Variants in IRX1 observed in about 807,000 individuals in gnomAD.
IRX1 encodes the protein iroquois homeobox 1.
Under a neutral mutation model 34.1 loss-of-function variants are expected in IRX1, and 22 were observed. The ratio of observed to expected loss-of-function variants is 0.64; its 90% CI spans 0.46 to 0.92. IRX1 has a LOEUF of 0.92. Among genes scored for constraint, IRX1 ranks in the 40% least tolerant of loss-of-function variants. IRX1 has a pLI of 0.00. For missense variants in IRX1, 758 were observed against 680.0 expected (o/e 1.11, Z -1.28); for synonymous variants, 363 against 319.0 (o/e 1.14, Z -1.47).
chr5:3,598,901 G>A (rs1333886500), intron 1 of IRX1, among the ~76,000 whole-genome samples: 1 of 152,154 alleles, frequency 6.6e-6, no homozygotes, highest in Non-Finnish European at 1.5e-5. Flanking sequence ...CAGGGGCCGC[G>A]GCCTCTGTTG....
Position 3,601,193 on chromosome 5 carries a change from G to T in IRX1, c.*153G>T, listed in dbSNP as rs1374770749. 1.3e-6 allele frequency: 1 copy of T among 767,526 alleles called. No homozygotes were observed. Among genetic ancestry groups the T allele is most frequent in the African/African-American group, 1.7e-5 (1 of 58,074 alleles). The allele number at this position is 767,526 out of a possible 1,614,324, so 47.5% of individuals were successfully genotyped here. ...TCGCATCCGTCGCTTTCTGCAGAAA[G>T]GGGCTTCTTCGGTCCCGAGCTCGCG... On this transcript the variant is annotated 3_prime_UTR_variant, in exon 4 of 4. Transcript: ENST00000302006.
Position 3,600,123 on chromosome 5 carries a change from T to G in IRX1, c.1175T>G (p.Leu392Arg). The G allele has an allele frequency of 6.2e-7, 1 of 1,613,312 alleles. No individual in the cohort carries two copies. The highest frequency in any genetic ancestry group is 1.7e-5 in the Admixed American group (1 of 60,026). ...TCCCTGCTCAACATGCGCTCCTTCC[T>G]GGGCGTTGGCGCTCCCCACGCCGCG... is the stretch of plus-strand genomic sequence containing the variant. ...QGSLLNMRSFLGVGAPHAAPH... is the reference protein window; with the variant it reads ...QGSLLNMRSFRGVGAPHAAPH... The change falls in exon 2 of 4, where the codon CTG becomes CGG. Residue 392 changes from leucine to arginine, a missense_variant. This residue lies in a region of IRX1 where 529 missense variants were observed against 418.8 expected (regional missense o/e 1.26). Transcript: ENST00000302006.
rs919910052 is a variant in IRX1, at chr5:3,596,252, C to A, written c.147C>A (p.Gly49=). Residue 49 remains glycine (G), a synonymous_variant, in exon 1 of 4, where the codon GGC becomes GGA. Coordinates refer to ENST00000302006, the MANE Select transcript of IRX1 (RefSeq NM_024337.4). ...SSGRPGAAEL[G]GGAGAAAVTS... ...GCCGACCGGGGGCCGCGGAGCTGGG[C>A]GGCGGGGCAGGCGCGGCTGCAGTCA... 2.5e-6 allele frequency: 3 copies of A among 1,201,578 alleles called. No homozygotes were observed. The highest frequency in any genetic ancestry group is 3.1e-6 in the Non-Finnish European group (3 of 968,442). The allele number at this position is 1,201,578 out of a possible 1,614,324, so 74.4% of individuals were successfully genotyped here.
intron 1 of IRX1, among the ~76,000 whole-genome samples, chr5:3,597,948 G>T (rs1460388324): frequency 6.6e-6 from 1 of 152,176 alleles, no homozygotes; most frequent in East Asian, 1.9e-4. Context: ...GAGGGAGAGA[G>T]CTTCAGTGTG....
Position 3,601,292 on chromosome 5 carries a change from T to G in IRX1, c.*252T>G. 1 of 559,166 alleles carries G rather than the reference T, an allele frequency of 1.8e-6. No homozygotes were observed. The highest frequency in any genetic ancestry group is 3.0e-5 in the East Asian group (1 of 32,860). The allele number at this position is 559,166 out of a possible 1,614,324, so 34.6% of individuals were successfully genotyped here. A position where few individuals can be genotyped will look rare whatever the true frequency, so the allele number is the denominator to read the frequency against. Reference sequence around the variant, plus strand: ...GGTTCGGTAAATGCCCCCACGTGCTTGTGTCTCTTTCCCCCCTTTTCTGTA... The same window carrying G: ...GGTTCGGTAAATGCCCCCACGTGCTGGTGTCTCTTTCCCCCCTTTTCTGTA... On this transcript the variant is annotated 3_prime_UTR_variant, in exon 4 of 4. Transcript: ENST00000302006.
In IRX1 at chr5:3,599,188, C is replaced by T. The variant is rs888975587; in HGVS notation, c.277-37C>T. The T allele has an allele frequency of 5.1e-6, 8 of 1,577,164 alleles. No homozygotes were observed. Among genetic ancestry groups the T allele is most frequent in the African/African-American group, 1.4e-5 (1 of 74,048 alleles). On this transcript the variant is annotated intron_variant, in intron 1 of 3. Transcript: ENST00000302006. The surrounding 1 kb of genome is among the most constrained non-coding windows in gnomAD (Gnocchi z 6.6). ...TCTCCCTTTCTCTCTCCACTTCCCT[C>T]CTCTCTCTCCTCGATGGATCTGCCC...
chr5:3,601,040 A>C lies in IRX1; in HGVS notation c.1443A>C (p.Ter481CysextTer37). ...TCCTAGCAGCCCTCCCGTCCGCCTG[A>C]TTAAGGGTCTTCTTTTACTTTTGCG... The part of the protein sequence containing the change: ...PRILAALPSA[*>C] Residue 481 changes from the stop codon to cysteine (C), a stop_lost, in exon 4 of 4, where the codon TGA (stop) becomes TGC (cysteine). Coordinates refer to ENST00000302006, the MANE Select transcript of IRX1 (RefSeq NM_024337.4). The C allele has an allele frequency of 6.9e-7, 1 of 1,455,314 alleles. No homozygotes were observed. The highest frequency in any genetic ancestry group is 1.5e-5 in the African/African-American group (1 of 66,324). The allele number at this position is 1,455,314 out of a possible 1,614,324, so 90.2% of individuals were successfully genotyped here.
chr5:3,595,893 T>G lies in IRX1; in HGVS notation c.-213T>G, dbSNP rs1337874282. Among the ~76,000 whole-genome samples, 1 of 150,780 alleles carries G rather than the reference T, an allele frequency of 6.6e-6. No individual in the cohort carries two copies. Among genetic ancestry groups the G allele is most frequent in the Non-Finnish European group, 1.5e-5 (1 of 67,542 alleles). ...GCCGCAGTCGGCGCGCGATTGCGGA[T>G]CCGGGCGCAGCCGGGAGCCGGGCGC... On this transcript the variant is annotated 5_prime_UTR_variant, in exon 1 of 4. Coordinates refer to ENST00000302006, the MANE Select transcript of IRX1 (RefSeq NM_024337.4).
intron 1 of IRX1, among the ~76,000 whole-genome samples, chr5:3,597,508 G>T (rs1733818007): frequency 6.6e-6 from 1 of 152,200 alleles, no homozygotes; most frequent in Admixed American, 6.5e-5. Context: ...TTGTAGTTTT[G>T]AAAGAAAGCG....
Position 3,599,588 on chromosome 5 carries a change from C to T in IRX1, c.640C>T (p.Pro214Ser). 1 of 1,614,100 alleles carries T rather than the reference C, an allele frequency of 6.2e-7. No homozygotes were observed. ...ALFGSDTEGD[P>S]EKAEDDEEID... is the part of the protein sequence containing the mutation. ...CTTCGGCAGCGACACCGAGGGCGACCCGGAGAAGGCCGAGGACGACGAGGA... is the reference window on the plus strand; with the variant it reads ...CTTCGGCAGCGACACCGAGGGCGACTCGGAGAAGGCCGAGGACGACGAGGA... The change falls in exon 2 of 4, where the codon CCG becomes TCG. Residue 214 changes from proline to serine, a missense_variant. Pro to Ser is a moderately conservative substitution (Grantham distance 74, BLOSUM62 -1). Transcript: ENST00000302006. This position sits in a 1 kb window ranked among gnomAD's most constrained non-coding sequence, Gnocchi z 6.6.
rs1743680715 is a variant in IRX1 at position 3,596,038 on chromosome 5, G to A, written c.-68G>A. On this transcript the variant is annotated 5_prime_UTR_variant, in exon 1 of 4. Transcript: ENST00000302006. ...GCGGCGCCCCCTGCAACCCCCTCCG[G>A]CCGGCCTCCGCCTCCCTCCCCGCGC... 3 of 987,386 alleles carry A rather than the reference G, an allele frequency of 3.0e-6. No individual in the cohort carries two copies. Among genetic ancestry groups the A allele is most frequent in the Non-Finnish European group, 3.6e-6 (3 of 824,824 alleles). The allele number at this position is 987,386 out of a possible 1,614,324, so 61.2% of individuals were successfully genotyped here. A position where few individuals can be genotyped will look rare whatever the true frequency, so the allele number is the denominator to read the frequency against.
Position 3,601,148 on chromosome 5 carries a change from A to G in IRX1, c.*108A>G. On this transcript the variant is annotated 3_prime_UTR_variant, in exon 4 of 4. Coordinates refer to ENST00000302006, the MANE Select transcript of IRX1 (RefSeq NM_024337.4). ...TTTCAGACTGGTGTAAAGGACAAAT[A>G]TGACAACGACGTCAAGGACTCGCAT... is the stretch of plus-strand genomic sequence containing the variant. 1.9e-6 allele frequency: 2 copies of G among 1,048,876 alleles called. No individual in the cohort carries two copies. The highest frequency in any genetic ancestry group is 2.4e-4 in the Middle Eastern group (1 of 4,154). The allele number at this position is 1,048,876 out of a possible 1,614,324, so 65.0% of individuals were successfully genotyped here. A position where few individuals can be genotyped will look rare whatever the true frequency, so the allele number is the denominator to read the frequency against.
Position 3,600,614 on chromosome 5 carries a change from G to T in IRX1, c.1318G>T (p.Asp440Tyr), listed in dbSNP as rs374900719. 5 of 1,613,526 alleles carry T rather than the reference G, an allele frequency of 3.1e-6. No individual in the cohort carries two copies. Among genetic ancestry groups the T allele is most frequent in the South Asian group, 2.2e-5 (2 of 91,086 alleles). The change falls in exon 3 of 4, where the codon GAC becomes TAC. Residue 440 changes from aspartate (D) to tyrosine (Y), a missense_variant. Physicochemically the swap from Asp to Tyr is radical, Grantham distance 160. Transcript: ENST00000302006. ...CCTCTTCCGATCTCTCGCAGAGAGA[G>T]ACCTCGTCCCCAGGCCAGATTCGCC... ...VRSSPTLPER[D>Y]LVPRPDSPAQ... is the part of the protein sequence containing the mutation.
rs1345097797 is a variant in IRX1, at chr5:3,596,440, G to A, written c.276+59G>A. On this transcript the variant is annotated intron_variant, in intron 1 of 3. Coordinates refer to ENST00000302006, the MANE Select transcript of IRX1 (RefSeq NM_024337.4). ...GTCTCACCCGCGCCAGGGCAAGGGT[G>A]GCGGGTCGCCCGGGAGGGAGAGACT... The A allele has an allele frequency of 6.5e-6, 9 of 1,379,488 alleles. No individual in the cohort carries two copies. In the Admixed American group the frequency reaches 9.3e-5, roughly 14 times the overall value. The allele number at this position is 1,379,488 out of a possible 1,614,324, so 85.5% of individuals were successfully genotyped here. A position where few individuals can be genotyped will look rare whatever the true frequency, so the allele number is the denominator to read the frequency against.
rs763519111 is a variant in IRX1, at chr5:3,599,758, A to T, written c.810A>T (p.Ala270=). The change falls in exon 2 of 4, where the codon GCA becomes GCT. Residue 270 remains alanine, a synonymous_variant. Coordinates refer to ENST00000302006, the MANE Select transcript of IRX1 (RefSeq NM_024337.4). The surrounding 1 kb of genome is among the most constrained non-coding windows in gnomAD (Gnocchi z 6.6). ...ALARDQGSPL[A]AADVLKPQDS... ...CCCGGGACCAAGGCTCGCCGCTGGC[A>T]GCAGCCGACGTTCTCAAGCCCCAGG... 2.5e-6 allele frequency: 4 copies of T among 1,609,842 alleles called. No individual in the cohort carries two copies. The Admixed American group carries it at 5.0e-5, about 20-fold the overall frequency.
Position 3,595,882 on chromosome 5 carries a change from G to A in IRX1, c.-224G>A, listed in dbSNP as rs1389672627. ...GGAGGGCGGCCGCCGCAGTCGGCGCGCGATTGCGGATCCGGGCGCAGCCGG... is the reference window on the plus strand; with the variant it reads ...GGAGGGCGGCCGCCGCAGTCGGCGCACGATTGCGGATCCGGGCGCAGCCGG... On this transcript the variant is annotated 5_prime_UTR_variant, in exon 1 of 4. Transcript: ENST00000302006. Among the ~76,000 whole-genome samples the A allele has an allele frequency of 1.3e-5, 2 of 151,020 alleles. No homozygotes were observed. Among genetic ancestry groups the A allele is most frequent in the Non-Finnish European group, 1.5e-5 (1 of 67,632 alleles).
chr5:3,596,226 G>T lies in IRX1; in HGVS notation c.121G>T (p.Gly41Cys), dbSNP rs1743688591. The change falls in exon 1 of 4, where the codon GGC (glycine) becomes TGC (cysteine). Residue 41 changes from glycine (G) to cysteine (C), a missense_variant. Coordinates refer to ENST00000302006, the MANE Select transcript of IRX1 (RefSeq NM_024337.4). ...AAAAAAAASSGRPGAAELGGG... is the reference protein window; with the variant it reads ...AAAAAAAASSCRPGAAELGGG... ...TGCGGCGGCTGCCGCCGCCTCGTCG[G>T]GCCGACCGGGGGCCGCGGAGCTGGG... 1 of 1,132,016 alleles carries T rather than the reference G, an allele frequency of 8.8e-7. No homozygotes were observed. The highest frequency in any genetic ancestry group is 1.6e-5 in the African/African-American group (1 of 60,626). 70.1% of individuals were successfully genotyped at this position (1,132,016 alleles called of 1,614,324 possible).
Position 3,600,609 on chromosome 5 carries a change from A to G in IRX1, c.1313A>G (p.Glu438Gly). The G allele has an allele frequency of 6.2e-7, 1 of 1,613,184 alleles. No homozygotes were observed. The highest frequency in any genetic ancestry group is 8.5e-7 in the Non-Finnish European group (1 of 1,179,472). ...ASVRSSPTLP[E>G]RDLVPRPDSP... The stretch of plus-strand genomic sequence containing the variant: ...CTCTGCCTCTTCCGATCTCTCGCAG[A>G]GAGAGACCTCGTCCCCAGGCCAGAT... Residue 438 changes from glutamate to glycine, a missense_variant and splice_region_variant, in exon 3 of 4, where the codon GAG becomes GGG. This residue lies in a region of IRX1 where 529 missense variants were observed against 418.8 expected (regional missense o/e 1.26). Coordinates refer to ENST00000302006, the MANE Select transcript of IRX1 (RefSeq NM_024337.4).
intron 1 of IRX1, among the ~76,000 whole-genome samples, 198 bp downstream of exon 1, chr5:3,596,579 C>T (rs1044386575): frequency 2.6e-5 from 4 of 152,128 alleles, no homozygotes; most frequent in Admixed American, 2.6e-4. Flanking sequence ...CGGGTGACGG[C>T]TGGGCCATCT....
Sources: gnomAD v4.1 joint callset for allele counts (sites outside exome capture counted in the v4.1 genomes callset) on GRCh38, gnomAD v4.1.1 for gene constraint, gnomAD v4.1.1 regional missense constraint, Gnocchi (gnomAD v3.1) non-coding constraint, MANE v1.5 for transcripts, NCBI Gene and HGNC (gene_info 2026-07-23, HGNC 2026-07-21) for gene names.